GBF1: variants seen among roughly 807,000 people sequenced by gnomAD.
GBF1 encodes Golgi-specific brefeldin A-resistance guanine nucleotide exchange factor 1.
A neutral mutation model predicts 210.5 loss-of-function variants in GBF1; 114 were observed. The ratio of observed to expected loss-of-function variants is 0.54; its 90% confidence interval spans 0.47 to 0.63. GBF1 has a LOEUF of 0.63. Ranked by LOEUF, GBF1 falls within the 30% of genes least tolerant of loss-of-function variation. GBF1 has a pLI of 0.00. For synonymous variants in GBF1, 850 were observed against 889.2 expected, an observed-to-expected ratio of 0.96 and a Z score of 0.78; for missense variants, 1,851 against 2,357.7, an observed-to-expected ratio of 0.79 and a Z score of 4.45.
chr10:102,339,784 C>A (rs551742154), intron 3 of GBF1, among the ~76,000 whole-genome samples: 1 of 152,026 alleles, frequency 6.6e-6, no homozygotes, highest in African/African-American at 2.4e-5. Context: ...AAAATATGGC[C>A]AATTTAATTT....
At chr10:102,274,431 G>A (rs1178337896) in intron 3 of GBF1, among the ~76,000 whole-genome samples, 2 of 151,624 alleles carry the variant, frequency 1.3e-5, no homozygotes, top group African/African-American at 4.8e-5. Context: ...TCTTATAGTT[G>A]ATTAGTCTAT....
At chr10:102,289,782 G>C (rs188350236) in intron 3 of GBF1, among the ~76,000 whole-genome samples, 1 of 152,234 alleles carries the variant, frequency 6.6e-6, no homozygotes, top group Non-Finnish European at 1.5e-5. Flanking sequence ...TAACAAAGCA[G>C]GCAAACAAGA....
Position 102,354,591 on chromosome 10 carries a change from C to T in GBF1, c.639+937C>T, listed in dbSNP as rs183658365. Reference sequence around the variant, plus strand: ...CTTACTCCTCCCTAGTAACACAGCACGGCTTTGGAAGAGTTGCACGTGATT... The same window carrying T: ...CTTACTCCTCCCTAGTAACACAGCATGGCTTTGGAAGAGTTGCACGTGATT... On this transcript the variant is annotated intron_variant, in intron 8 of 39. Transcript: ENST00000369983. Among the ~76,000 whole-genome samples the T allele has an allele frequency of 1.2e-4, 19 of 152,296 alleles. 1 individual carries two copies. The South Asian group carries it at 2.1e-3, about 17-fold the overall frequency.
chr10:102,336,397 C>G (rs764399584), intron 3 of GBF1, among the ~76,000 whole-genome samples: 2 of 150,126 alleles, frequency 1.3e-5, no homozygotes, highest in Non-Finnish European at 3.0e-5. Context: ...AAAACTAGAA[C>G]AATATCTTAG....
At chr10:102,369,175 G>A (rs372122946) in intron 23 of GBF1, 36 bp from the exon 24 acceptor site, 1 of 1,501,136 alleles carries the variant, frequency 6.7e-7, no homozygotes, top group South Asian at 1.1e-5. Context: ...CCAGACATTA[G>A]CTCGGCCTTA....
At chr10:102,325,942 G>A (rs1186214264) in intron 3 of GBF1, among the ~76,000 whole-genome samples, 5 of 152,236 alleles carry the variant, frequency 3.3e-5, no homozygotes, top group East Asian at 1.9e-4. Context: ...GAGCCACTGC[G>A]CCCAGCCTAC....
intron 1 of GBF1, among the ~76,000 whole-genome samples, chr10:102,255,685 G>T (rs2072247174): frequency 6.6e-6 from 1 of 152,130 alleles, no homozygotes; most frequent in Non-Finnish European, 1.5e-5. Context: ...TACCAGGAAA[G>T]ATTTAATCTT....
chr10:102,300,991 T>TG (rs1199124148), intron 3 of GBF1, among the ~76,000 whole-genome samples: 3 of 151,286 alleles, frequency 2.0e-5, no homozygotes, highest in Non-Finnish European at 4.4e-5. Flanking sequence ...TTTTTTTTTT[T>TG]TAAGTATTTA....
the GBF1 span, chr10:102,231,627 C>T: frequency 6.2e-7 from 1 of 1,611,512 alleles, no homozygotes; most frequent in Non-Finnish European, 8.5e-7. Flanking sequence ...ACACGGCGAT[C>T]TCCTCGCGCG....
the GBF1 span, among the ~76,000 whole-genome samples, chr10:102,234,909 G>A: frequency 6.6e-6 from 1 of 152,178 alleles, no homozygotes; most frequent in Non-Finnish European, 1.5e-5. Context: ...GAAGGGATAT[G>A]GGCGAGGAAA....
chr10:102,365,619 T>C lies in GBF1; in HGVS notation c.2309+20T>C. On this transcript the variant is annotated intron_variant, in intron 18 of 39. Transcript: ENST00000369983. ...TGTGAGGTGAGGAAGCTGTAAGAAATGTGGGATATAGCCAGGTATGGTGGC... is the reference window on the plus strand; with the variant it reads ...TGTGAGGTGAGGAAGCTGTAAGAAACGTGGGATATAGCCAGGTATGGTGGC... The C allele has an allele frequency of 6.2e-7, 1 of 1,604,394 alleles. No individual in the cohort carries two copies. Among genetic ancestry groups the C allele is most frequent in the Non-Finnish European group, 8.5e-7 (1 of 1,171,270 alleles).
At chr10:102,288,249 A>G (rs2076122234) in intron 3 of GBF1, among the ~76,000 whole-genome samples, 1 of 152,122 alleles carries the variant, frequency 6.6e-6, no homozygotes, top group South Asian at 2.1e-4. Context: ...CCTATTTACT[A>G]CTGATCCTCT....
chr10:102,354,532 C>T (rs572256867), intron 8 of GBF1, among the ~76,000 whole-genome samples: 1 of 152,260 alleles, frequency 6.6e-6, no homozygotes, highest in Non-Finnish European at 1.5e-5. Flanking sequence ...TTATATATAA[C>T]ACCTGGGTCC....
At chr10:102,331,596 AAGAG>A (rs2057336180) in intron 3 of GBF1, among the ~76,000 whole-genome samples, 1 of 151,928 alleles carries the variant, frequency 6.6e-6, no homozygotes, top group South Asian at 2.1e-4. Context: ...CAGCCTGGGC[AAGAG>A]AGAGAGAAGA....
At chr10:102,262,068 A>G (rs577610899) in intron 3 of GBF1, among the ~76,000 whole-genome samples, 6 of 152,198 alleles carry the variant, frequency 3.9e-5, no homozygotes, top group Non-Finnish European at 7.3e-5. Flanking sequence ...TATTTTTAGT[A>G]GAGATGATGT....
chr10:102,322,293 A>T (rs547670358), intron 3 of GBF1, among the ~76,000 whole-genome samples: 1 of 152,370 alleles, frequency 6.6e-6, no homozygotes, highest in African/African-American at 2.4e-5. Context: ...ATAAATTAGT[A>T]TGGAGAGAAT....
chr10:102,359,502 G>C, intron 11 of GBF1, 67 bp downstream of exon 11: 1 of 1,245,974 alleles, frequency 8.0e-7, no homozygotes. Context: ...CCTGAGCCTA[G>C]ACCGTCTTAA....
At chr10:102,378,201 G>A (rs2060626160) in intron 33 of GBF1, among the ~76,000 whole-genome samples, 1 of 147,398 alleles carries the variant, frequency 6.8e-6, no homozygotes, top group African/African-American at 2.5e-5. Flanking sequence ...CTGGGCGACA[G>A]AGCAAGACTC....
rs2060559694 is a variant in GBF1 at position 102,377,274 on chromosome 10, T to C, written c.4494+134T>C. ...AGGCCCTGGACCACCATCTTCACAA[T>C]ATTCCCTTACCCAAAACCTTACCTG... On this transcript the variant is annotated intron_variant, in intron 33 of 39. Transcript: ENST00000369983. 4.8e-6 allele frequency: 3 copies of C among 629,272 alleles called. No individual in the cohort carries two copies. In the African/African-American group the frequency reaches 5.5e-5, roughly 12 times the overall value. The allele number at this position is 629,272 out of a possible 1,614,324, so 39.0% of individuals were successfully genotyped here.
Sources: gnomAD v4.1 joint callset for allele counts (sites outside exome capture counted in the v4.1 genomes callset) on GRCh38, gnomAD v4.1.1 for gene constraint, MANE v1.5 for transcripts, NCBI Gene and HGNC (gene_info 2026-07-23, HGNC 2026-07-21) for gene names.